The following IWS1 variants were observed in gnomAD, a reference collection of about 807,000 sequenced individuals.
The protein encoded by IWS1 is protein IWS1 homolog.
In IWS1, 27 loss-of-function variants were observed where a neutral mutation model predicts 86.7. The observed-to-expected ratio is 0.31, with a 90% CI of 0.23 to 0.43. The LOEUF (loss-of-function observed/expected upper bound fraction) is 0.43. Ranked by LOEUF, IWS1 falls within the 20% of genes least tolerant of loss-of-function variation. The pLI, the probability that IWS1 is intolerant of heterozygous loss-of-function variation, is 1.00. For synonymous variants in IWS1, 313 were observed against 335.1 expected (o/e 0.93, Z 0.72); for missense variants, 827 against 1,000.8 (o/e 0.83, Z 2.34).
chr2:127,505,453 A>T lies in IWS1; in HGVS notation c.450T>A (p.Asp150Glu). 1 of 1,614,022 alleles carries T rather than the reference A, an allele frequency of 6.2e-7. No individual in the cohort carries two copies. Among genetic ancestry groups the T allele is most frequent in the African/African-American group, 1.3e-5 (1 of 74,990 alleles). ...NGHASDSENE[D>E]VGKHPASDSE... ...AATCACTGGCGGGATGCTTCCCAAC[A>T]TCTTCGTTTTCTGAGTCACTTGCAT... is the stretch of plus-strand genomic sequence containing the variant. The change falls in exon 3 of 14, where the codon GAT (aspartate) becomes GAA (glutamate). Residue 150 changes from aspartate (D) to glutamate (E), a missense_variant. Asp to Glu is a conservative substitution (Grantham distance 45, BLOSUM62 2). This residue lies in a region of IWS1 where 548 missense variants were observed against 560.2 expected (regional missense o/e 0.98). Transcript: ENST00000295321. The surrounding 1 kb of genome is among the most constrained non-coding windows in gnomAD (Gnocchi z 5.0).
At position 127,486,589 on chromosome 2, in the gene IWS1, G is replaced by A. The variant is rs767119157; in HGVS notation, c.2292C>T (p.Val764=). Residue 764 remains valine, a synonymous_variant, in exon 13 of 14, where the codon GTC becomes GTT. Coordinates refer to ENST00000295321, the MANE Select transcript of IWS1 (RefSeq NM_017969.3). ...VPMPSNKDYV[V]RPKWNVEMES... ...CCATTTCCACATTCCATTTGGGCCT[G>A]ACAACATAGTCCTTGTTTGAAGGCA... is the stretch of plus-strand genomic sequence containing the variant. 2 of 1,614,020 alleles carry A rather than the reference G, an allele frequency of 1.2e-6. No individual in the cohort carries two copies. The highest frequency in any genetic ancestry group is 1.7e-5 in the Admixed American group (1 of 60,020).
Position 127,499,967 on chromosome 2 carries a change from T to C in IWS1, c.1468-1730A>G, listed in dbSNP as rs1470244710. ...CTCATACCACATACGAAACCAATTC[T>C]AGGTGAATTATACAATTAAATGTGA... On this transcript the variant is annotated intron_variant, in intron 5 of 13. Transcript: ENST00000295321. The surrounding 1 kb of genome is among the most constrained non-coding windows in gnomAD (Gnocchi z 4.0). 1.3e-5 allele frequency among the ~76,000 whole-genome samples: 2 copies of C among 152,176 alleles called. No individual in the cohort carries two copies. Among genetic ancestry groups the C allele is most frequent in the Non-Finnish European group, 2.9e-5 (2 of 68,008 alleles).
intron 5 of IWS1, 128 bp downstream of exon 5, chr2:127,502,687 G>T: frequency 2.0e-6 from 1 of 490,784 alleles, no homozygotes; most frequent in Non-Finnish European, 3.7e-6. Context: ...CCCTCTTCTA[G>T]ATTTTTATCT....
intron 13 of IWS1, chr2:127,484,799 C>T (rs2105019718): frequency 6.6e-6 from 1 of 152,274 alleles, no homozygotes; most frequent in Non-Finnish European, 1.5e-5. Context: ...AGATCAAGAC[C>T]ATCATGGCTA....
intron 13 of IWS1, among the ~76,000 whole-genome samples, chr2:127,485,640 T>C (rs1689889799): frequency 6.6e-6 from 1 of 152,186 alleles, no homozygotes; most frequent in Admixed American, 6.5e-5. Flanking sequence ...CAAATGCATA[T>C]TAGGGAAGTA....
At chr2:127,493,467 G>A (rs1463304321) in intron 8 of IWS1, 57 bp from the exon 9 acceptor site, 27 of 1,484,802 alleles carry the variant, frequency 1.8e-5, no homozygotes, top group South Asian at 1.1e-4. Flanking sequence ...TGTATCTTCC[G>A]ACTTTTCTTA....
intron 8 of IWS1, among the ~76,000 whole-genome samples, chr2:127,494,046 T>G (rs1242604899): frequency 2.0e-5 from 3 of 151,826 alleles, no homozygotes; most frequent in Non-Finnish European, 4.4e-5. Flanking sequence ...ATTTCCTCAG[T>G]CATCAAAAGT....
intron 1 of IWS1, among the ~76,000 whole-genome samples, chr2:127,525,278 C>T (rs1231550822): frequency 1.3e-5 from 2 of 152,122 alleles, no homozygotes; most frequent in African/African-American, 4.8e-5. Context: ...TGTTTTTAAG[C>T]AGTGCATGCC....
At chr2:127,520,540 A>T (rs1467180380) in intron 2 of IWS1, among the ~76,000 whole-genome samples, 1 of 152,224 alleles carries the variant, frequency 6.6e-6, no homozygotes, top group Non-Finnish European at 1.5e-5. Flanking sequence ...GTTTAATGAG[A>T]AAACAAAATG....
chr2:127,505,355 C>T lies in IWS1; in HGVS notation c.548G>A (p.Ser183Asn), dbSNP rs550467845. ...TGGGGGTTCCTCACTCTCAGAGTCACTGATTTGAGGTTTTAGAGCATCTTC... is the reference window on the plus strand; with the variant it reads ...TGGGGGTTCCTCACTCTCAGAGTCATTGATTTGAGGTTTTAGAGCATCTTC... ...ETEDALKPQI[S>N]DSESEEPPRH... Residue 183 changes from serine to asparagine, a missense_variant, in exon 3 of 14, where the codon AGT (serine) becomes AAT (asparagine). This residue lies in a region of IWS1 where 548 missense variants were observed against 560.2 expected (regional missense o/e 0.98). Transcript: ENST00000295321. The surrounding 1 kb of genome is among the most constrained non-coding windows in gnomAD (Gnocchi z 5.0). The T allele has an allele frequency of 6.2e-7, 1 of 1,614,116 alleles. No individual in the cohort carries two copies.
intron 3 of IWS1, 114 bp downstream of exon 3, chr2:127,504,570 T>C: frequency 1.3e-6 from 1 of 783,040 alleles, no homozygotes; most frequent in South Asian, 1.7e-5. Context: ...TTTTAGAATA[T>C]TAAGCTGAAT....
intron 2 of IWS1, among the ~76,000 whole-genome samples, chr2:127,520,418 C>T (rs1246143648): frequency 6.6e-6 from 1 of 152,168 alleles, no homozygotes; most frequent in African/African-American, 2.4e-5. Context: ...CCACCCACCT[C>T]GGCCTCCCAA....
intron 4 of IWS1, 118 bp downstream of exon 4, chr2:127,503,269 C>G (rs1690912797): frequency 5.5e-6 from 4 of 721,070 alleles, no homozygotes; most frequent in South Asian, 4.3e-5. Flanking sequence ...AGTTCAGGAA[C>G]TAAAATACTA....
At position 127,526,243 on chromosome 2, in the gene IWS1, C is replaced by G; in HGVS notation, c.-35G>C. On this transcript the variant is annotated 5_prime_UTR_variant, in exon 1 of 14. Transcript: ENST00000295321. ...ACTCTCAGCGGGGAGTGTCCGCGCC[C>G]CGCGCCGCCCCCGTCACCTCCTTCC... 6.4e-7 allele frequency: 1 copy of G among 1,551,746 alleles called. No individual in the cohort carries two copies. Among genetic ancestry groups the G allele is most frequent in the Non-Finnish European group, 8.7e-7 (1 of 1,149,104 alleles).
chr2:127,482,711 A>G (rs906906813), intron 13 of IWS1: 1 of 152,274 alleles, frequency 6.6e-6, no homozygotes, highest in Admixed American at 6.5e-5. Flanking sequence ...CACACGGGCC[A>G]GTGGGTTACA....
rs1397059794 is a variant in IWS1, at chr2:127,505,953, G to C, written c.151-201C>G. 2.2e-6 allele frequency: 1 copy of C among 455,542 alleles called. No individual in the cohort carries two copies. The highest frequency in any genetic ancestry group is 3.8e-6 in the Non-Finnish European group (1 of 260,740). 28.2% of individuals were successfully genotyped at this position (455,542 alleles called of 1,614,324 possible). A position where few individuals can be genotyped will look rare whatever the true frequency, so the allele number is the denominator to read the frequency against. ...TGGTTTTATTTGGATCCCCAAATGG[G>C]GAAATATAACCAGCCTTCATCAAAA... On this transcript the variant is annotated intron_variant, in intron 2 of 13. Transcript: ENST00000295321. This position sits in a 1 kb window ranked among gnomAD's most constrained non-coding sequence, Gnocchi z 5.0.
intron 2 of IWS1, among the ~76,000 whole-genome samples, chr2:127,516,579 A>G (rs1437564817): frequency 1.3e-5 from 2 of 152,184 alleles, no homozygotes; most frequent in African/African-American, 4.8e-5. Context: ...CCTGGGCAAC[A>G]TAGCAAAATC....
At chr2:127,483,698 T>C (rs1356093236) in intron 13 of IWS1, among the ~76,000 whole-genome samples, 1 of 150,520 alleles carries the variant, frequency 6.6e-6, no homozygotes, top group Non-Finnish European at 1.5e-5. Flanking sequence ...GGCATGATTC[T>C]AGCTCACTGC....
rs1244094553 is a variant in IWS1, at chr2:127,480,989, A to G, written c.*55T>C. 7.7e-6 allele frequency: 12 copies of G among 1,549,298 alleles called. No homozygotes were observed. The highest frequency in any genetic ancestry group is 6.9e-5 in the East Asian group (3 of 43,648). ...ATGTTTTAAAATATCTTCTTTCTCC[A>G]AAGAGTCCATTGCGCATTTCTTAGA... On this transcript the variant is annotated 3_prime_UTR_variant, in exon 14 of 14. Transcript: ENST00000295321.
Sources: gnomAD v4.1 joint callset for allele counts (sites outside exome capture counted in the v4.1 genomes callset) on GRCh38, gnomAD v4.1.1 for gene constraint, gnomAD v4.1.1 regional missense constraint, Gnocchi (gnomAD v3.1) non-coding constraint, MANE v1.5 for transcripts, NCBI Gene and HGNC (gene_info 2026-07-23, HGNC 2026-07-21) for gene names.